FLI1: variants seen among roughly 807,000 people sequenced by gnomAD.
The protein encoded by FLI1 is Fli-1 proto-oncogene, ETS transcription factor.
A neutral mutation model predicts 53.1 loss-of-function variants in FLI1; 13 were observed. The observed-to-expected ratio is 0.24, with a 90% confidence interval of 0.16 to 0.39. The LOEUF (loss-of-function observed/expected upper bound fraction) is 0.39, where lower values mean the gene tolerates loss of function less well. Ranked by LOEUF, FLI1 falls within the 10% of genes least tolerant of loss-of-function variation. The pLI is 1.00. For synonymous variants in FLI1, 244 were observed against 236.7 expected (o/e 1.03, Z -0.28); for missense variants, 424 against 600.5 (o/e 0.71, Z 3.07).
At chr11:128,754,466 C>A (rs1258892106) in intron 1 of FLI1, among the ~76,000 whole-genome samples, 3 of 152,110 alleles carry the variant, frequency 2.0e-5, no homozygotes, top group Middle Eastern at 3.2e-3. Flanking sequence ...CAAAAGGAAC[C>A]ACAAAATTAA....
rs556671913 is a variant in FLI1, at chr11:128,809,447, C to T, written c.829+243C>T. On this transcript the variant is annotated intron_variant, in intron 8 of 8. Coordinates refer to ENST00000527786, the MANE Select transcript of FLI1 (RefSeq NM_002017.5). Reference sequence around the variant, plus strand: ...AACACATCAGCACTGCACATGTGCACTTAGGTGTAGATGAGTAATAAGTGG... The same window carrying T: ...AACACATCAGCACTGCACATGTGCATTTAGGTGTAGATGAGTAATAAGTGG... Among the ~76,000 whole-genome samples the T allele has an allele frequency of 3.3e-5, 5 of 152,302 alleles. No homozygotes were observed. The East Asian group carries it at 9.7e-4, about 29-fold the overall frequency.
intron 5 of FLI1, among the ~76,000 whole-genome samples, chr11:128,790,066 A>ATTCGTGTGTGTG (rs200869159): frequency 1.2e-4 from 16 of 135,858 alleles, no homozygotes; most frequent in South Asian, 2.4e-4. Flanking sequence ...GTGTGCATGC[A>ATTCGTGTGTGTG]TGCGTGTGTG....
chr11:128,768,538 A>C, intron 3 of FLI1: 2 of 433,820 alleles, frequency 4.6e-6, no homozygotes, highest in Non-Finnish European at 4.3e-6. Flanking sequence ...AAAATACAAA[A>C]ATTAGCCAGG....
In FLI1 at chr11:128,811,775, T is replaced by C. The variant is rs2135927442; in HGVS notation, c.*787T>C. 1 of 203,128 alleles carries C rather than the reference T, an allele frequency of 4.9e-6. No homozygotes were observed. Among genetic ancestry groups the C allele is most frequent in the Non-Finnish European group, 1.0e-5 (1 of 98,706 alleles). 12.6% of individuals were successfully genotyped at this position (203,128 alleles called of 1,614,324 possible). A position where few individuals can be genotyped will look rare whatever the true frequency, so the allele number is the denominator to read the frequency against. On this transcript the variant is annotated 3_prime_UTR_variant, in exon 9 of 9. Transcript: ENST00000527786. The stretch of plus-strand genomic sequence containing the variant: ...TTCTAAACTCAAGCAGATTCGCAAG[T>C]GCTGTGCGCTTGTCAGACCATCAGA...
chr11:128,801,562 AT>A, intron 5 of FLI1, among the ~76,000 whole-genome samples: 1 of 152,218 alleles, frequency 6.6e-6, no homozygotes, highest in East Asian at 1.9e-4. Flanking sequence ...AAATAGGTGG[AT>A]TGTGGTCCAC....
intron 1 of FLI1, among the ~76,000 whole-genome samples, chr11:128,731,242 T>C (rs556170189): frequency 2.0e-5 from 3 of 152,374 alleles, no homozygotes; most frequent in African/African-American, 7.2e-5. Flanking sequence ...GTGCTGCTTA[T>C]GACCTGGGCT....
At chr11:128,743,198 G>A (rs1284825637) in intron 1 of FLI1, among the ~76,000 whole-genome samples, 1 of 152,062 alleles carries the variant, frequency 6.6e-6, no homozygotes, top group African/African-American at 2.4e-5. Flanking sequence ...GACCAGCCTA[G>A]GCAACATAGT....
chr11:128,743,796 A>C (rs929143278), intron 1 of FLI1, among the ~76,000 whole-genome samples: 2 of 152,196 alleles, frequency 1.3e-5, no homozygotes, highest in African/African-American at 4.8e-5. Flanking sequence ...CTTGACAAAG[A>C]AAACATCTCC....
chr11:128,784,680 T>G (rs150361667), intron 5 of FLI1, among the ~76,000 whole-genome samples: 72 of 152,118 alleles, frequency 4.7e-4, no homozygotes, highest in African/African-American at 1.6e-3. Context: ...AAGACAAAGC[T>G]AAGCAAGCCC....
At chr11:128,765,152 G>A (rs932492680) in intron 2 of FLI1, among the ~76,000 whole-genome samples, 1 of 152,196 alleles carries the variant, frequency 6.6e-6, no homozygotes, top group African/African-American at 2.4e-5. Context: ...GGCCACCCCA[G>A]CAAGAGAGCC....
chr11:128,754,529 T>C (rs556306427), intron 1 of FLI1, among the ~76,000 whole-genome samples: 2 of 152,312 alleles, frequency 1.3e-5, no homozygotes, highest in South Asian at 4.1e-4. Context: ...TGAGAATAGT[T>C]AGAATTGGAC....
At chr11:128,764,815 G>T in intron 2 of FLI1, 1 of 1,592,846 alleles carries the variant, frequency 6.3e-7, no homozygotes, top group Admixed American at 1.7e-5. Flanking sequence ...GCAGGCGAGC[G>T]GGCGAGGTAT....
intron 1 of FLI1, among the ~76,000 whole-genome samples, chr11:128,718,989 GA>G (rs1330475583): frequency 1.3e-5 from 2 of 152,202 alleles, no homozygotes; most frequent in Non-Finnish European, 2.9e-5. Context: ...TCGGTATTTT[GA>G]AACTTCCGTT....
intron 1 of FLI1, among the ~76,000 whole-genome samples, chr11:128,694,935 G>A (rs982691747): frequency 6.6e-6 from 1 of 152,164 alleles, no homozygotes; most frequent in Admixed American, 6.5e-5. Context: ...GGGACTCCTG[G>A]GCCGGCCTCG....
chr11:128,761,847 C>G (rs1941133912), intron 2 of FLI1, among the ~76,000 whole-genome samples: 1 of 152,178 alleles, frequency 6.6e-6, no homozygotes, highest in Non-Finnish European at 1.5e-5. Context: ...TTTGGCTACA[C>G]AGAGCAGCAA....
intron 1 of FLI1, among the ~76,000 whole-genome samples, chr11:128,745,129 G>A (rs780153674): frequency 1.3e-5 from 2 of 152,146 alleles, no homozygotes; most frequent in Admixed American, 6.5e-5. Flanking sequence ...GAGTGCAGGC[G>A]AGAAAGAGGT....
At chr11:128,711,240 A>AT (rs1419080282) in intron 1 of FLI1, among the ~76,000 whole-genome samples, 1 of 152,260 alleles carries the variant, frequency 6.6e-6, no homozygotes, top group African/African-American at 2.4e-5. Flanking sequence ...AGACTGCATC[A>AT]TTCAAGTTAA....
At chr11:128,726,415 T>C (rs576118841) in intron 1 of FLI1, among the ~76,000 whole-genome samples, 3 of 152,110 alleles carry the variant, frequency 2.0e-5, no homozygotes, top group South Asian at 2.1e-4. Context: ...AGAATGAGGG[T>C]CCTGCCTGGC....
At chr11:128,760,582 C>G (rs1941076367) in intron 2 of FLI1, among the ~76,000 whole-genome samples, 1 of 137,918 alleles carries the variant, frequency 7.3e-6, no homozygotes, top group Non-Finnish European at 1.5e-5. Flanking sequence ...GGCTGGAGTG[C>G]AGTGGTACAG....
Sources: allele counts gnomAD v4.1 joint callset (sites outside exome capture counted in the v4.1 genomes callset), GRCh38; gene constraint gnomAD v4.1.1; transcripts MANE v1.5; gene names NCBI Gene and HGNC (gene_info 2026-07-23, HGNC 2026-07-21).